Variants in SLC35E1 observed in about 807,000 individuals in gnomAD.
The protein encoded by SLC35E1 is solute carrier family 35, member E1.
A neutral mutation model predicts 31.0 loss-of-function variants in SLC35E1; 12 were observed. The ratio of observed to expected loss-of-function variants is 0.39; its 90% CI spans 0.25 to 0.63. The LOEUF is 0.63. SLC35E1 is among the 20% of genes least tolerant of loss of function. SLC35E1 has a pLI of 0.52. For synonymous variants in SLC35E1, 257 were observed against 264.1 expected (o/e 0.97, Z 0.26); for missense variants, 429 against 572.2 (o/e 0.75, Z 2.55).
At chr19:16,571,799 T>A in intron 1 of SLC35E1, 145 bp downstream of exon 1, 1 of 957,396 alleles carries the variant, frequency 1.0e-6, no homozygotes, top group East Asian at 2.6e-5. Context: ...CCCGTGCGTG[T>A]CCCTCCCCTA....
intron 4 of SLC35E1, among the ~76,000 whole-genome samples, chr19:16,563,180 T>G (rs1378633095): frequency 2.0e-5 from 3 of 151,846 alleles, no homozygotes; most frequent in Non-Finnish European, 2.9e-5. Flanking sequence ...AAAAATTAGC[T>G]GGGCGCGGTG....
In SLC35E1 at chr19:16,571,535, TAATG is replaced by T; in HGVS notation, c.465_468del (p.Ile156Ter). ...ACCTTGGTGCTCTGCTTCTCCTTCA[TAATG>T]ATCCGGGACAGGAGGACCACCCAGA... On this transcript the variant is annotated frameshift_variant, in exon 2 of 6. Coordinates refer to ENST00000595753, the MANE Select transcript of SLC35E1 (RefSeq NM_024881.5). LOFTEE classifies it high-confidence loss of function. 1 of 1,613,904 alleles carries T rather than the reference TAATG, an allele frequency of 6.2e-7. No individual in the cohort carries two copies. The highest frequency in any genetic ancestry group is 2.2e-5 in the East Asian group (1 of 44,870).
intron 1 of SLC35E1, 150 bp from the exon 2 acceptor site, chr19:16,571,732 G>A: frequency 3.1e-6 from 3 of 967,920 alleles, no homozygotes; most frequent in Non-Finnish European, 4.7e-6. Context: ...CACGGCTGTT[G>A]TGGTCTGTCC....
chr19:16,565,057 C>A (rs145560944), intron 4 of SLC35E1: 44 of 450,680 alleles, frequency 9.8e-5, no homozygotes, highest in African/African-American at 7.6e-4. Flanking sequence ...TAACTCGAGT[C>A]TGGAAGAATC....
intron 3 of SLC35E1, 86 bp from the exon 4 acceptor site, chr19:16,566,743 C>T (rs2085934490): frequency 4.0e-6 from 6 of 1,501,622 alleles, no homozygotes; most frequent in South Asian, 3.9e-5. Flanking sequence ...AACACAGTGA[C>T]TGGACATTAA....
chr19:16,556,160 C>T (rs1246186881), intron 4 of SLC35E1, among the ~76,000 whole-genome samples: 1 of 151,984 alleles, frequency 6.6e-6, no homozygotes, highest in African/African-American at 2.4e-5. Flanking sequence ...TTGCAGTGAG[C>T]TGAGATTGCA....
intron 4 of SLC35E1, chr19:16,557,112 G>A (rs2085878746): frequency 2.7e-6 from 1 of 372,206 alleles, no homozygotes; most frequent in Non-Finnish European, 5.5e-6. Flanking sequence ...CTTCTGGGAA[G>A]GGAACCCAAC....
At chr19:16,569,801 A>G (rs1308319773) in intron 2 of SLC35E1, among the ~76,000 whole-genome samples, 3 of 152,212 alleles carry the variant, frequency 2.0e-5, no homozygotes. Flanking sequence ...CTGAGATCGC[A>G]CCACGGCACT....
chr19:16,568,011 C>T, intron 3 of SLC35E1, 21 bp downstream of exon 3: 1 of 1,592,100 alleles, frequency 6.3e-7, no homozygotes, highest in South Asian at 1.1e-5. Context: ...CCATGCATGT[C>T]CGCTGATGGT....
chr19:16,553,799 G>A lies in SLC35E1; in HGVS notation c.1113C>T (p.Gly371=), dbSNP rs747313667. Residue 371 remains glycine, a synonymous_variant, in exon 6 of 6, where the codon GGC becomes GGT. Transcript: ENST00000595753. ...AGTCCCCGTGCTGGGGGAAGAGGAGGCCGTTGTGGGGCTTCTCCAGTGGGC... is the reference window on the plus strand; with the variant it reads ...AGTCCCCGTGCTGGGGGAAGAGGAGACCGTTGTGGGGCTTCTCCAGTGGGC... ...HRSPLEKPHN[G]LLFPQHGDYQ... is the part of the protein sequence containing the mutation. The A allele has an allele frequency of 1.9e-6, 3 of 1,613,958 alleles. No homozygotes were observed. The African/African-American group carries it at 4.0e-5, about 22-fold the overall frequency.
chr19:16,568,201 A>G (rs1599322186), intron 2 of SLC35E1, 32 bp from the exon 3 acceptor site: 4 of 1,584,590 alleles, frequency 2.5e-6, no homozygotes, highest in Non-Finnish European at 3.4e-6. Flanking sequence ...AAGGGCTCAC[A>G]GGCCAGACTA....
At chr19:16,570,247 C>T (rs2085950870) in intron 2 of SLC35E1, among the ~76,000 whole-genome samples, 1 of 152,230 alleles carries the variant, frequency 6.6e-6, no homozygotes, top group African/African-American at 2.4e-5. Context: ...AGGGACAACT[C>T]TGACTTCTCA....
chr19:16,567,426 G>A (rs2085937702), intron 3 of SLC35E1, among the ~76,000 whole-genome samples: 1 of 152,222 alleles, frequency 6.6e-6, no homozygotes, highest in African/African-American at 2.4e-5. Context: ...AGGATCACTT[G>A]AGCTTCGAAG....
intron 1 of SLC35E1, 88 bp downstream of exon 1, chr19:16,571,856 G>A: frequency 2.9e-6 from 4 of 1,359,200 alleles, no homozygotes; most frequent in Non-Finnish European, 4.0e-6. Context: ...CCGGCGGGAC[G>A]CGCCCCGGGC....
intron 4 of SLC35E1, chr19:16,566,286 C>A (rs1033693207): frequency 4.2e-6 from 2 of 478,528 alleles, no homozygotes; most frequent in Non-Finnish European, 7.5e-6. Flanking sequence ...ACGCTACTGG[C>A]GCACACACAG....
chr19:16,557,343 G>A (rs1364796069), intron 4 of SLC35E1, among the ~76,000 whole-genome samples: 1 of 151,996 alleles, frequency 6.6e-6, no homozygotes. Context: ...ACAGGCGCCC[G>A]CCACCGCGCC....
rs1428381278 is a variant in SLC35E1, at chr19:16,571,494, G to T, written c.492+18C>A. 3 of 1,613,632 alleles carry T rather than the reference G, an allele frequency of 1.9e-6. No individual in the cohort carries two copies. The highest frequency in any genetic ancestry group is 2.5e-6 in the Non-Finnish European group (3 of 1,179,700). On this transcript the variant is annotated intron_variant, in intron 2 of 5. Coordinates refer to ENST00000595753, the MANE Select transcript of SLC35E1 (RefSeq NM_024881.5). ...CCCCTGGAGCTCCCATCTGCCCAGA[G>T]TCCCTGCCCGGGGTTACCTTGGTGC...
At chr19:16,571,469 C>T in intron 2 of SLC35E1, 43 bp downstream of exon 2, 1 of 1,598,980 alleles carries the variant, frequency 6.3e-7, no homozygotes, top group African/African-American at 1.3e-5. Context: ...AGGGAGGAAC[C>T]CCCTGGAGCT....
intron 1 of SLC35E1, 22 bp from the exon 2 acceptor site, chr19:16,571,604 C>G (rs2085958766): frequency 6.2e-7 from 1 of 1,612,992 alleles, no homozygotes; most frequent in Non-Finnish European, 8.5e-7. Context: ...GGGATGGGCA[C>G]TCAGGGGGCT....
Sources: gnomAD v4.1 joint callset for allele counts (sites outside exome capture counted in the v4.1 genomes callset) on GRCh38, gnomAD v4.1.1 for gene constraint, MANE v1.5 for transcripts, NCBI Gene and HGNC (gene_info 2026-07-23, HGNC 2026-07-21) for gene names.